ARMC9: variants seen among roughly 807,000 people sequenced by gnomAD.
The protein encoded by ARMC9 is armadillo repeat containing 9, also known as lisH domain-containing protein ARMC9.
Under a neutral mutation model 107.0 loss-of-function variants are expected in ARMC9, and 94 were observed. The ratio of observed to expected loss-of-function variants is 0.88; its 90% confidence interval spans 0.74 to 1.04. ARMC9 has a LOEUF of 1.04. Among genes scored for constraint, ARMC9 ranks in the 50% least tolerant of loss-of-function variants. The probability of loss-of-function intolerance (pLI) is 0.00; values close to 1 mark genes in which losing one functional copy is unlikely to be tolerated. For synonymous variants in ARMC9, 380 were observed against 396.9 expected (o/e 0.96, Z 0.51); for missense variants, 942 against 1,030.1 (o/e 0.91, Z 1.17).
rs897670245 is a variant in ARMC9 at position 231,372,826 on chromosome 2, C to T, written c.*1291C>T. The T allele has an allele frequency of 6.6e-6, 1 of 152,214 alleles. No homozygotes were observed. The highest frequency in any genetic ancestry group is 2.4e-5 in the African/African-American group (1 of 41,382). The allele number at this position is 152,214 out of a possible 1,614,324, so 9.4% of individuals were successfully genotyped here. ...CTCCCCCAGGCACCTGATCTGCCCA[C>T]AGACCCTTCAATGGGGACATCTCTG... is the stretch of plus-strand genomic sequence containing the variant. On this transcript the variant is annotated 3_prime_UTR_variant, in exon 25 of 25. Coordinates refer to ENST00000611582, the MANE Select transcript of ARMC9 (RefSeq NM_001352754.2).
At position 231,360,935 on chromosome 2, in the gene ARMC9, G is replaced by C; in HGVS notation, c.2261+52G>C. On this transcript the variant is annotated intron_variant, in intron 23 of 24. Coordinates refer to ENST00000611582, the MANE Select transcript of ARMC9 (RefSeq NM_001352754.2). The surrounding 1 kb of genome is among the most constrained non-coding windows in gnomAD (Gnocchi z 4.7). ...ACCTGACTCTCGGAGCTCTGGGAGT[G>C]GGCGCCCCACGCCGGATGCAGAGCA... 3 of 1,467,262 alleles carry C rather than the reference G, an allele frequency of 2.0e-6. No individual in the cohort carries two copies. The highest frequency in any genetic ancestry group is 2.7e-6 in the Non-Finnish European group (3 of 1,115,402). The allele number at this position is 1,467,262 out of a possible 1,614,324, so 90.9% of individuals were successfully genotyped here.
At chr2:231,268,318 T>C (rs2039024884) in intron 12 of ARMC9, among the ~76,000 whole-genome samples, 1 of 152,188 alleles carries the variant, frequency 6.6e-6, no homozygotes, top group African/African-American at 2.4e-5. Context: ...ATGTGATCTG[T>C]GCAATGCCCT....
rs2125593707 is a variant in ARMC9, at chr2:231,360,723, T to A, written c.2132-31T>A. On this transcript the variant is annotated intron_variant, in intron 22 of 24. Coordinates refer to ENST00000611582, the MANE Select transcript of ARMC9 (RefSeq NM_001352754.2). The surrounding 1 kb of genome is among the most constrained non-coding windows in gnomAD (Gnocchi z 4.7). ...ATCCTTAGAGGGGCTCCAGAGCAGA[T>A]GTGGACTGAACTTTCTCTCCTCCTC... The A allele has an allele frequency of 6.5e-7, 1 of 1,536,130 alleles. No homozygotes were observed. The highest frequency in any genetic ancestry group is 1.2e-5 in the South Asian group (1 of 84,066).
In ARMC9 at chr2:231,366,697, C is replaced by T. The variant is rs971399520; in HGVS notation, c.2262-3256C>T. On this transcript the variant is annotated intron_variant, in intron 23 of 24. Transcript: ENST00000611582. Reference sequence around the variant, plus strand: ...CTCTACTAAAAATACAAAAATTAGCCGGGCATGGTGGCGGGTGCCTGTAGT... The same window carrying T: ...CTCTACTAAAAATACAAAAATTAGCTGGGCATGGTGGCGGGTGCCTGTAGT... Among the ~76,000 whole-genome samples the T allele has an allele frequency of 5.3e-5, 8 of 151,476 alleles. No individual in the cohort carries two copies. The East Asian group carries it at 6.0e-4, about 11-fold the overall frequency.
At chr2:231,324,071 T>C (rs1209463192) in intron 19 of ARMC9, among the ~76,000 whole-genome samples, 1 of 151,994 alleles carries the variant, frequency 6.6e-6, no homozygotes, top group Non-Finnish European at 1.5e-5. Context: ...GTCCTGTGTT[T>C]CTGGAGGTTA....
intron 13 of ARMC9, 27 bp downstream of exon 13, chr2:231,271,099 T>C: frequency 6.2e-7 from 1 of 1,608,878 alleles, no homozygotes; most frequent in Non-Finnish European, 8.5e-7. Flanking sequence ...GCTTCAAAGA[T>C]AAGAGCTAGG....
chr2:231,245,522 A>AG (rs1559344854), intron 9 of ARMC9, among the ~76,000 whole-genome samples: 2 of 152,218 alleles, frequency 1.3e-5, no homozygotes, highest in Non-Finnish European at 2.9e-5. Flanking sequence ...TTAGCTAGAA[A>AG]GTATACCATT....
At chr2:231,367,751 G>A (rs2045873127) in intron 23 of ARMC9, among the ~76,000 whole-genome samples, 1 of 152,164 alleles carries the variant, frequency 6.6e-6, no homozygotes, top group African/African-American at 2.4e-5. Flanking sequence ...GGGAAGCAGA[G>A]GTGGGTGGAT....
At chr2:231,322,191 G>A (rs1263463388) in intron 19 of ARMC9, among the ~76,000 whole-genome samples, 1 of 152,242 alleles carries the variant, frequency 6.6e-6, no homozygotes, top group East Asian at 1.9e-4. Context: ...GATCCCGGAC[G>A]TGCTTCCATC....
At chr2:231,232,021 A>G (rs971064908) in intron 7 of ARMC9, among the ~76,000 whole-genome samples, 6 of 128,124 alleles carry the variant, frequency 4.7e-5, no homozygotes, top group African/African-American at 1.5e-4. Flanking sequence ...AATTTAACAC[A>G]TTCCTTTTTT....
rs764466867 is a variant in ARMC9, at chr2:231,338,535, C to CTT, written c.1879-6419_1879-6418dup. On this transcript the variant is annotated intron_variant, in intron 20 of 24. Transcript: ENST00000611582. Reference sequence around the variant, plus strand: ...AGCCACCTCGCCCGGCCCCAATTCACTTTTTTTTTTTTTTTTTTTTTTGCG... The same window carrying CTT: ...AGCCACCTCGCCCGGCCCCAATTCACTTTTTTTTTTTTTTTTTTTTTTTTGCG... Among the ~76,000 whole-genome samples, 719 of 104,784 alleles carry CTT rather than the reference C, an allele frequency of 6.9e-3. 27 individuals are homozygous for CTT. The highest frequency in any genetic ancestry group is 0.022 in the African/African-American group (519 of 23,214). 68.7% of individuals were successfully genotyped at this position (104,784 alleles called of 152,430 possible).
chr2:231,279,742 C>T (rs1228991455), intron 16 of ARMC9, among the ~76,000 whole-genome samples: 2 of 151,954 alleles, frequency 1.3e-5, no homozygotes, highest in African/African-American at 2.4e-5. Context: ...GAACTCCTGA[C>T]CTTGTGATTC....
chr2:231,302,619 G>A (rs2041823945), intron 19 of ARMC9, among the ~76,000 whole-genome samples: 1 of 152,022 alleles, frequency 6.6e-6, no homozygotes, highest in South Asian at 2.1e-4. Flanking sequence ...TTTTCAGATA[G>A]ATATTTTTGC....
intron 19 of ARMC9, among the ~76,000 whole-genome samples, chr2:231,300,266 C>T (rs1026116593): frequency 1.3e-5 from 2 of 152,186 alleles, no homozygotes; most frequent in Non-Finnish European, 1.5e-5. Flanking sequence ...AAGTGCCAAT[C>T]GTATGCTCAG....
chr2:231,366,048 C>T (rs970354543), intron 23 of ARMC9, among the ~76,000 whole-genome samples: 5 of 152,084 alleles, frequency 3.3e-5, no homozygotes, highest in Admixed American at 3.3e-4. Flanking sequence ...TAGGACTCTC[C>T]AGGGAAACAG....
At position 231,206,055 on chromosome 2, in the gene ARMC9, C is replaced by T. The variant is rs191291845; in HGVS notation, c.-41-143C>T. 1,323 of 633,238 alleles carry T rather than the reference C, an allele frequency of 2.1e-3. 9 individuals are homozygous for T. Among genetic ancestry groups the T allele is most frequent in the South Asian group, 1.9e-3 (104 of 54,330 alleles). The allele number at this position is 633,238 out of a possible 1,614,324, so 39.2% of individuals were successfully genotyped here. A position where few individuals can be genotyped will look rare whatever the true frequency, so the allele number is the denominator to read the frequency against. On this transcript the variant is annotated intron_variant, in intron 1 of 24. Transcript: ENST00000611582. ...CATCTGCACCTTAATTCCCCCTTGCCGTGTAACCTCACGTATTCACAGGTT... is the reference window on the plus strand; with the variant it reads ...CATCTGCACCTTAATTCCCCCTTGCTGTGTAACCTCACGTATTCACAGGTT...
intron 5 of ARMC9, among the ~76,000 whole-genome samples, chr2:231,221,167 T>C (rs143555632): frequency 6.6e-6 from 1 of 152,194 alleles, no homozygotes; most frequent in Admixed American, 6.5e-5. Context: ...GGAGGATCCT[T>C]CCTTTCCCCT....
At chr2:231,253,149 G>A (rs894079494) in intron 9 of ARMC9, among the ~76,000 whole-genome samples, 3 of 151,508 alleles carry the variant, frequency 2.0e-5, no homozygotes, top group Non-Finnish European at 4.4e-5. Flanking sequence ...TTTTGAGATG[G>A]AGTCTTGGTC....
At chr2:231,331,665 T>A in intron 19 of ARMC9, 128 bp from the exon 20 acceptor site, 1 of 756,096 alleles carries the variant, frequency 1.3e-6, no homozygotes, top group South Asian at 1.8e-5. Context: ...CCTTGGAATA[T>A]AAGCCTGCAA....
Sources: allele counts gnomAD v4.1 joint callset (sites outside exome capture counted in the v4.1 genomes callset), GRCh38; gene constraint gnomAD v4.1.1; non-coding constraint Gnocchi (gnomAD v3.1); transcripts MANE v1.5; gene names NCBI Gene and HGNC (gene_info 2026-07-23, HGNC 2026-07-21).